The following CCDC57 variants were observed in gnomAD, a reference collection of about 807,000 sequenced individuals.
CCDC57 encodes coiled-coil domain containing 57, also known as coiled-coil domain-containing protein 57.
Under a neutral mutation model 118.9 loss-of-function variants are expected in CCDC57, and 118 were observed. That is an observed-to-expected ratio of 0.99 (90% CI 0.86 to 1.16). The LOEUF is 1.16. CCDC57 is among the 50% of genes most tolerant of loss of function. CCDC57 has a pLI of 0.00. For missense variants in CCDC57, 1,300 were observed against 1,320.7 expected (o/e 0.98, Z 0.24); for synonymous variants, 527 against 532.9 (o/e 0.99, Z 0.15).
intron 17 of CCDC57, among the ~76,000 whole-genome samples, chr17:82,130,828 G>A (rs1422235884): frequency 4.0e-5 from 6 of 149,188 alleles, no homozygotes; most frequent in Admixed American, 6.7e-5. Context: ...GGGTGGGGGT[G>A]GGGGACGGAG....
At chr17:82,183,375 G>C (rs562305361) in intron 9 of CCDC57, among the ~76,000 whole-genome samples, 1 of 151,980 alleles carries the variant, frequency 6.6e-6, no homozygotes, top group Non-Finnish European at 1.5e-5. Context: ...TGCAGAGATG[G>C]GGTCTCACTA....
At chr17:82,109,872 G>T (rs1394493654) in intron 19 of CCDC57, among the ~76,000 whole-genome samples, 1 of 148,980 alleles carries the variant, frequency 6.7e-6, no homozygotes, top group East Asian at 2.0e-4. Context: ...AATAAAAAAT[G>T]AAAAAAACAA....
intron 19 of CCDC57, chr17:82,127,087 G>C (rs1042908024): frequency 9.1e-6 from 9 of 985,318 alleles, no homozygotes; most frequent in Non-Finnish European, 1.1e-5. Flanking sequence ...AACTTCCTGA[G>C]ACCAGTAGCA....
chr17:82,183,960 T>G (rs771674786), intron 8 of CCDC57, 28 bp from the exon 8 acceptor site: 2 of 1,604,718 alleles, frequency 1.2e-6, no homozygotes, highest in Non-Finnish European at 1.7e-6. Flanking sequence ...ACTATGTAGA[T>G]GTGGTTCTCA....
At position 82,172,280 on chromosome 17, in the gene CCDC57, C is replaced by A. The variant is rs934355831; in HGVS notation, c.1729+358G>T. On this transcript the variant is annotated intron_variant, in intron 12 of 19. Coordinates refer to ENST00000665763, the Ensembl canonical transcript of CCDC57. The surrounding 1 kb of genome is among the most constrained non-coding windows in gnomAD (Gnocchi z 5.2). ...GCCCTCATCAGCTCTGCCACAGACGCTCCTCTGGAGGAAAGGACTGAGGTC... is the reference window on the plus strand; with the variant it reads ...GCCCTCATCAGCTCTGCCACAGACGATCCTCTGGAGGAAAGGACTGAGGTC... Among the ~76,000 whole-genome samples, 3 of 152,222 alleles carry A rather than the reference C, an allele frequency of 2.0e-5. No homozygotes were observed. Among genetic ancestry groups the A allele is most frequent in the Non-Finnish European group, 4.4e-5 (3 of 68,040 alleles).
chr17:82,179,318 A>G, intron 9 of CCDC57, 129 bp from the exon 9 acceptor site: 1 of 1,009,100 alleles, frequency 9.9e-7, no homozygotes. Context: ...CGCTGGGCTG[A>G]CATGCTCCCG....
intron 1 of CCDC57, among the ~76,000 whole-genome samples, chr17:82,208,545 G>A (rs541800735): frequency 7.9e-5 from 12 of 152,184 alleles, no homozygotes; most frequent in Admixed American, 2.0e-4. Flanking sequence ...GTGAGCCACC[G>A]TGCCTGGCCT....
chr17:82,121,040 C>G (rs972217275), intron 19 of CCDC57, among the ~76,000 whole-genome samples: 3 of 152,168 alleles, frequency 2.0e-5, no homozygotes, highest in African/African-American at 7.2e-5. Context: ...CAGGGGTGAG[C>G]TACCGCGCCC....
At chr17:82,121,623 T>C (rs905654745) in intron 19 of CCDC57, among the ~76,000 whole-genome samples, 4 of 152,182 alleles carry the variant, frequency 2.6e-5, no homozygotes, top group Admixed American at 2.6e-4. Flanking sequence ...TCTGCAGCCA[T>C]TGCGGAGCCA....
At position 82,157,504 on chromosome 17, in the gene CCDC57, C is replaced by T. The variant is rs1312435752; in HGVS notation, c.2241+244G>A. 17 of 1,422,476 alleles carry T rather than the reference C, an allele frequency of 1.2e-5. No individual in the cohort carries two copies. The East Asian group carries it at 2.0e-4, about 17-fold the overall frequency. The allele number at this position is 1,422,476 out of a possible 1,614,324, so 88.1% of individuals were successfully genotyped here. ...AGGGAGGACTGGGATGGGCCCGTCC[C>T]GCCCCCCACCAACGGGGCATCAAGG... On this transcript the variant is annotated intron_variant, in intron 15 of 19. Transcript: ENST00000665763.
At chr17:82,203,583 T>C (rs929429966) in intron 2 of CCDC57, among the ~76,000 whole-genome samples, 17 of 152,130 alleles carry the variant, frequency 1.1e-4, no homozygotes, top group East Asian at 5.8e-4. Flanking sequence ...GAGGCTGAGG[T>C]GGGTGGGTCA....
In CCDC57 at chr17:82,195,371, C is replaced by A; in HGVS notation, c.517-7G>T. ...CAAACTCCAGCAGCAGTTCCTGGAACAAACAGGTTTCATGATGAAAGAACA... is the reference window on the plus strand; with the variant it reads ...CAAACTCCAGCAGCAGTTCCTGGAAAAAACAGGTTTCATGATGAAAGAACA... On this transcript the variant is annotated splice_polypyrimidine_tract_variant and splice_region_variant and intron_variant, in intron 4 of 19. Transcript: ENST00000665763. 6.3e-7 allele frequency: 1 copy of A among 1,580,206 alleles called. No homozygotes were observed. Among genetic ancestry groups the A allele is most frequent in the Non-Finnish European group, 8.6e-7 (1 of 1,162,502 alleles).
At position 82,118,748 on chromosome 17, in the gene CCDC57, C is replaced by T. The variant is rs62079995; in HGVS notation, c.2899+8944G>A. Among the ~76,000 whole-genome samples the T allele has an allele frequency of 0.24, 37,203 of 151,934 alleles. 5,123 individuals are homozygous for T. The highest frequency in any genetic ancestry group is 0.31 in the Non-Finnish European group (21,297 of 67,934). Reference sequence around the variant, plus strand: ...CTCAGTCTGCCGCGCTTTTTATGTACGCTGACTTTTGTTGTGCTGCTGAAG... The same window carrying T: ...CTCAGTCTGCCGCGCTTTTTATGTATGCTGACTTTTGTTGTGCTGCTGAAG... On this transcript the variant is annotated intron_variant, in intron 19 of 19. Coordinates refer to ENST00000665763, the Ensembl canonical transcript of CCDC57. The surrounding 1 kb of genome is among the most constrained non-coding windows in gnomAD (Gnocchi z 4.7).
chr17:82,188,519 G>A, intron 7 of CCDC57, 100 bp from the exon 7 acceptor site: 1 of 1,197,386 alleles, frequency 8.4e-7, no homozygotes, highest in South Asian at 1.5e-5. Context: ...GTGCACAGGT[G>A]CTGCTGTATG....
At chr17:82,124,307 C>G (rs951238573) in intron 19 of CCDC57, among the ~76,000 whole-genome samples, 1 of 152,144 alleles carries the variant, frequency 6.6e-6, no homozygotes, top group African/African-American at 2.4e-5. Flanking sequence ...ACAGAACAGG[C>G]CCTATCTGCA....
chr17:82,149,742 C>T (rs1329982145), intron 16 of CCDC57, among the ~76,000 whole-genome samples: 1 of 151,662 alleles, frequency 6.6e-6, no homozygotes, highest in South Asian at 2.1e-4. Context: ...GAACCTGACC[C>T]GCACCCAGAA....
chr17:82,137,328 G>A (rs1367211485), intron 16 of CCDC57, among the ~76,000 whole-genome samples: 2 of 152,106 alleles, frequency 1.3e-5, no homozygotes, highest in Non-Finnish European at 1.5e-5. Flanking sequence ...GCCTTCCTTC[G>A]TTTACTATTT....
intron 19 of CCDC57, chr17:82,126,909 C>T (rs1177596886): frequency 6.1e-6 from 6 of 985,290 alleles, no homozygotes; most frequent in Non-Finnish European, 7.2e-6. Flanking sequence ...GAAGGGGACG[C>T]CCTCCATGCA....
At chr17:82,204,675 T>G (rs1212812345) in intron 2 of CCDC57, among the ~76,000 whole-genome samples, 1 of 151,882 alleles carries the variant, frequency 6.6e-6, no homozygotes, top group Non-Finnish European at 1.5e-5. Flanking sequence ...CCCAGCTACT[T>G]GGGAGGCTGA....
Sources: gnomAD v4.1 joint callset for allele counts (sites outside exome capture counted in the v4.1 genomes callset) on GRCh38, gnomAD v4.1.1 for gene constraint, Gnocchi (gnomAD v3.1) non-coding constraint, MANE v1.5 for transcripts, NCBI Gene and HGNC (gene_info 2026-07-23, HGNC 2026-07-21) for gene names.